The following RPH3A variants were observed in gnomAD, a reference collection of about 807,000 sequenced individuals.
RPH3A encodes rabphilin 3A.
A neutral mutation model predicts 102.2 loss-of-function variants in RPH3A; 48 were observed. That is an observed-to-expected ratio of 0.47 (90% CI 0.37 to 0.60). The LOEUF (loss-of-function observed/expected upper bound fraction) is 0.60. Among genes scored for constraint, RPH3A ranks in the 20% least tolerant of loss-of-function variants. The probability of loss-of-function intolerance (pLI) is 0.00; values close to 1 mark genes in which losing one functional copy is unlikely to be tolerated. For synonymous variants in RPH3A, 310 were observed against 324.3 expected (o/e 0.96, Z 0.47); for missense variants, 781 against 910.1 (o/e 0.86, Z 1.83).
chr12:112,712,900 CTT>C (rs1565856696), intron 1 of RPH3A, among the ~76,000 whole-genome samples: 8 of 132,828 alleles, frequency 6.0e-5, no homozygotes, highest in African/African-American at 2.2e-4. Context: ...TCTTCTTCTT[CTT>C]CCTCTTCTTC....
chr12:112,663,260 A>G (rs545700798), intron 1 of RPH3A, among the ~76,000 whole-genome samples: 1 of 152,176 alleles, frequency 6.6e-6, no homozygotes, highest in South Asian at 2.1e-4. Context: ...CCCAGGTTGG[A>G]GTACAGTGGA....
intron 1 of RPH3A, among the ~76,000 whole-genome samples, chr12:112,589,574 A>G (rs1336274272): frequency 1.3e-5 from 2 of 152,142 alleles, no homozygotes; most frequent in Non-Finnish European, 1.5e-5. Flanking sequence ...CCCTCCCCTG[A>G]CCAACCTGTT....
chr12:112,858,051 T>C (rs1463313009), intron 5 of RPH3A, among the ~76,000 whole-genome samples: 1 of 151,920 alleles, frequency 6.6e-6, no homozygotes, highest in African/African-American at 2.4e-5. Context: ...GGAGGATTGC[T>C]TGATTGAGCC....
rs572090754 is a variant in RPH3A, at chr12:112,674,491, G to A, written c.-140+99172G>A. On this transcript the variant is annotated intron_variant, in intron 1 of 21. Coordinates refer to the RPH3A transcript ENST00000543106. ...ATGGCACACATAGGTATCTGATAAT[G>A]CTGGACCTCTTTTGTTGGATTTGCA... 2.0e-5 allele frequency among the ~76,000 whole-genome samples: 3 copies of A among 152,286 alleles called. No individual in the cohort carries two copies. The South Asian group carries it at 6.2e-4, about 32-fold the overall frequency.
intron 1 of RPH3A, among the ~76,000 whole-genome samples, chr12:112,680,403 A>C (rs1215330146): frequency 6.6e-6 from 1 of 152,218 alleles, no homozygotes; most frequent in Non-Finnish European, 1.5e-5. Flanking sequence ...TTCACTGAGC[A>C]CTTGCCATGT....
chr12:112,744,393 T>C (rs2040729817), intron 1 of RPH3A, among the ~76,000 whole-genome samples: 1 of 152,168 alleles, frequency 6.6e-6, no homozygotes, highest in African/African-American at 2.4e-5. Context: ...AGTTTTCTAT[T>C]TGTAAAACAA....
At chr12:112,803,492 T>G (rs2136107568) in intron 2 of RPH3A, among the ~76,000 whole-genome samples, 1 of 151,250 alleles carries the variant, frequency 6.6e-6, no homozygotes, top group East Asian at 1.9e-4. Flanking sequence ...GGAGATATTA[T>G]TATTATTATT....
intron 4 of RPH3A, among the ~76,000 whole-genome samples, chr12:112,841,374 C>G (rs1403401402): frequency 6.6e-6 from 1 of 152,008 alleles, no homozygotes; most frequent in Admixed American, 6.5e-5. Flanking sequence ...ATCTGGCTGC[C>G]TTTTAGAAGG....
intron 1 of RPH3A, among the ~76,000 whole-genome samples, chr12:112,613,796 T>C (rs1244750382): frequency 1.3e-5 from 2 of 152,024 alleles, no homozygotes; most frequent in Admixed American, 6.6e-5. Flanking sequence ...AAAAATTAAC[T>C]AGCTGGATGT....
intron 3 of RPH3A, among the ~76,000 whole-genome samples, chr12:112,830,940 A>G (rs1373011971): frequency 1.3e-5 from 2 of 152,024 alleles, no homozygotes; most frequent in African/African-American, 4.8e-5. Context: ...TGATGATTTT[A>G]CCATTTACAG....
intron 1 of RPH3A, among the ~76,000 whole-genome samples, chr12:112,701,774 C>T (rs1372409173): frequency 3.3e-5 from 5 of 152,156 alleles, no homozygotes; most frequent in East Asian, 1.9e-4. Context: ...AGATGTGGTT[C>T]GTCAGAAGCA....
Position 112,724,052 on chromosome 12 carries a change from ATTT to A in RPH3A, c.-139-68073_-139-68071del, listed in dbSNP as rs146271090. On this transcript the variant is annotated intron_variant, in intron 1 of 21. Coordinates refer to the RPH3A transcript ENST00000543106. ...CTTAACTTTTTCTTAAATTTTTTTG[ATTT>A]TTTTTTTTTTTTTTTTTGGAGACAG... 3.2e-4 allele frequency among the ~76,000 whole-genome samples: 38 copies of A among 117,288 alleles called. 1 individual carries two copies. Among genetic ancestry groups the A allele is most frequent in the Non-Finnish European group, 5.8e-4 (33 of 57,366 alleles). The allele number at this position is 117,288 out of a possible 152,430, so 76.9% of individuals were successfully genotyped here.
chr12:112,782,795 T>G (rs2041018459), intron 1 of RPH3A, among the ~76,000 whole-genome samples: 1 of 152,216 alleles, frequency 6.6e-6, no homozygotes, highest in Non-Finnish European at 1.5e-5. Flanking sequence ...GTGCCACTAT[T>G]TATTTAAATG....
chr12:112,832,811 C>T (rs2041991120), intron 3 of RPH3A, among the ~76,000 whole-genome samples: 1 of 152,132 alleles, frequency 6.6e-6, no homozygotes. Context: ...CCACCACACT[C>T]CAGCTTGGGT....
At chr12:112,581,834 C>T (rs1307218772) in intron 1 of RPH3A, among the ~76,000 whole-genome samples, 1 of 148,394 alleles carries the variant, frequency 6.7e-6, no homozygotes, top group Non-Finnish European at 1.5e-5. Flanking sequence ...ACTTTTGCTG[C>T]TCACCAGCTA....
At chr12:112,895,228 G>A (rs941805138) in intron 20 of RPH3A, among the ~76,000 whole-genome samples, 2 of 151,944 alleles carry the variant, frequency 1.3e-5, no homozygotes, top group African/African-American at 2.4e-5. Context: ...TCAGCTTCCC[G>A]AATAGCTGCA....
intron 1 of RPH3A, among the ~76,000 whole-genome samples, chr12:112,765,210 G>C (rs2040879970): frequency 6.6e-6 from 1 of 151,816 alleles, no homozygotes; most frequent in African/African-American, 2.4e-5. Flanking sequence ...TCATGGGAGT[G>C]GTGGGGAGGA....
chr12:112,668,657 G>A (rs909911985), intron 1 of RPH3A, among the ~76,000 whole-genome samples: 78 of 152,090 alleles, frequency 5.1e-4, no homozygotes, highest in Non-Finnish European at 7.2e-4. Context: ...CAGGCCTGTC[G>A]GGTGGTGGGG....
Position 112,828,330 on chromosome 12 carries a change from C to A in RPH3A, c.12C>A (p.Thr4=), listed in dbSNP as rs781424175. MTD[T]VFSNSSNRWM... Reference sequence around the variant, plus strand: ...ACTAGACATCTACTATGACTGACACCGTGTTCAGCAACAGTTCTAACCGTT... The same window carrying A: ...ACTAGACATCTACTATGACTGACACAGTGTTCAGCAACAGTTCTAACCGTT... The change falls in exon 3 of 22, where the codon ACC becomes ACA. Residue 4 remains threonine (T), a synonymous_variant. Coordinates refer to ENST00000389385, the MANE Select transcript of RPH3A (RefSeq NM_001143854.2). 2 of 1,610,690 alleles carry A rather than the reference C, an allele frequency of 1.2e-6. No individual in the cohort carries two copies. Among genetic ancestry groups the A allele is most frequent in the African/African-American group, 1.3e-5 (1 of 74,664 alleles).
Sources: allele counts gnomAD v4.1 joint callset (sites outside exome capture counted in the v4.1 genomes callset), GRCh38; gene constraint gnomAD v4.1.1; transcripts MANE v1.5; gene names NCBI Gene and HGNC (gene_info 2026-07-23, HGNC 2026-07-21).